OGA: variants seen among roughly 807,000 people sequenced by gnomAD.
OGA encodes the protein O-GlcNAcase.
A neutral mutation model predicts 102.0 loss-of-function variants in OGA; 21 were observed. The observed-to-expected ratio is 0.21, with a 90% CI of 0.15 to 0.30. OGA has a LOEUF of 0.30. Among genes scored for constraint, OGA ranks in the 10% least tolerant of loss-of-function variants. The probability of loss-of-function intolerance (pLI) is 1.00; values close to 1 mark genes in which losing one functional copy is unlikely to be tolerated. For missense variants in OGA, 765 were observed against 1,107.8 expected (o/e 0.69, Z 4.39); for synonymous variants, 408 against 378.2 (o/e 1.08, Z -0.91).
rs1267239761 is a variant in OGA, at chr10:101,818,119, G to A, written c.-97C>T. ...GCCCTGGAGAGGGCTTCAGCTCCAA[G>A]TGTGCGCCCCTCCGGCTCCTTCCCC... On this transcript the variant is annotated 5_prime_UTR_variant, in exon 1 of 16. Transcript: ENST00000361464. 4 of 1,405,022 alleles carry A rather than the reference G, an allele frequency of 2.8e-6. No individual in the cohort carries two copies. Among genetic ancestry groups the A allele is most frequent in the Non-Finnish European group, 3.7e-6 (4 of 1,080,148 alleles). The allele number at this position is 1,405,022 out of a possible 1,614,324, so 87.0% of individuals were successfully genotyped here.
At chr10:101,806,858 G>C (rs564226610) in intron 5 of OGA, among the ~76,000 whole-genome samples, 7 of 152,234 alleles carry the variant, frequency 4.6e-5, no homozygotes, top group Admixed American at 3.3e-4. Context: ...TGGATCACTT[G>C]AGCCCAAGAG....
intron 11 of OGA, chr10:101,793,711 C>T (rs539472644): frequency 2.0e-5 from 10 of 497,936 alleles, no homozygotes; most frequent in East Asian, 7.3e-5. Context: ...TTCGCAGGCG[C>T]GGGGGGGATT....
chr10:101,803,612 A>G, intron 7 of OGA, 123 bp downstream of exon 7: 1 of 1,074,400 alleles, frequency 9.3e-7, no homozygotes, highest in East Asian at 2.6e-5. Flanking sequence ...AAAACAAAAT[A>G]CGTTTTTAAA....
At chr10:101,788,978 C>T (rs1289306470) in intron 14 of OGA, among the ~76,000 whole-genome samples, 4 of 152,216 alleles carry the variant, frequency 2.6e-5, no homozygotes, top group East Asian at 1.9e-4. Context: ...TTTAAATTAA[C>T]GTATTCCTTA....
intron 9 of OGA, among the ~76,000 whole-genome samples, chr10:101,798,407 ACTTT>A (rs2065344603): frequency 7.0e-6 from 1 of 142,442 alleles, no homozygotes; most frequent in African/African-American, 2.6e-5. Context: ...TAAAGAACAT[ACTTT>A]TTTTTTTTTT....
chr10:101,804,916 CACA>C (rs967538548), intron 6 of OGA, among the ~76,000 whole-genome samples: 38 of 152,294 alleles, frequency 2.5e-4, no homozygotes, highest in African/African-American at 8.7e-4. Flanking sequence ...CTTTTGAAAA[CACA>C]ACATGTCTTT....
chr10:101,810,404 A>C (rs886360775), intron 3 of OGA, 90 bp from the exon 4 acceptor site: 4 of 1,207,874 alleles, frequency 3.3e-6, no homozygotes, highest in Non-Finnish European at 4.6e-6. Flanking sequence ...TATTTCTTCT[A>C]ACTTACAAGA....
chr10:101,813,254 C>T (rs1483102190), intron 2 of OGA, 127 bp from the exon 3 acceptor site: 4 of 682,000 alleles, frequency 5.9e-6, no homozygotes, highest in Non-Finnish European at 1.0e-5. Context: ...TAGCTTTTAA[C>T]CTTTTTGTAA....
At chr10:101,813,514 G>T in intron 2 of OGA, 41 bp downstream of exon 2, 1 of 1,275,350 alleles carries the variant, frequency 7.8e-7, no homozygotes, top group Non-Finnish European at 1.1e-6. Flanking sequence ...AATGTTAAGA[G>T]TTTAAGGTTC....
At chr10:101,787,993 T>C (rs2065211303) in intron 14 of OGA, 1 of 154,264 alleles carries the variant, frequency 6.5e-6, no homozygotes. Context: ...AATTAGGTCG[T>C]GTTGGCGGGC....
chr10:101,813,299 T>C (rs2065582032), intron 2 of OGA, among the ~76,000 whole-genome samples, 172 bp from the exon 3 acceptor site: 1 of 152,214 alleles, frequency 6.6e-6, no homozygotes, highest in African/African-American at 2.4e-5. Flanking sequence ...TATTACAATG[T>C]ATGCCAACAT....
Position 101,807,803 on chromosome 10 carries a change from A to G in OGA, c.579T>C (p.His193=). 1 of 1,612,556 alleles carries G rather than the reference A, an allele frequency of 6.2e-7. No individual in the cohort carries two copies. The highest frequency in any genetic ancestry group is 8.5e-7 in the Non-Finnish European group (1 of 1,179,284). The change falls in exon 5 of 16, where the codon CAT becomes CAC. Residue 193 remains histidine, a synonymous_variant. Transcript: ENST00000361464. Reference sequence around the variant, plus strand: ...TTTCATTTGTGATGGAGACTTGGGCATGAGCAAAAGAACTGAATACCTCTT... The same window carrying G: ...TTTCATTTGTGATGGAGACTTGGGCGTGAGCAAAAGAACTGAATACCTCTT... ...ADKEVFSSFA[H]AQVSITNEIY...
chr10:101,800,064 G>A (rs2065369572), intron 8 of OGA, among the ~76,000 whole-genome samples, 178 bp downstream of exon 8: 1 of 152,138 alleles, frequency 6.6e-6, no homozygotes, highest in African/African-American at 2.4e-5. Context: ...GTAGGGACAA[G>A]GTTTCACTAT....
rs1166848758 is a variant in OGA at position 101,784,920 on chromosome 10, TCTCTC to T, written c.*1526_*1530del. 6.6e-6 allele frequency: 1 copy of T among 152,224 alleles called. No homozygotes were observed. Among genetic ancestry groups the T allele is most frequent in the Non-Finnish European group, 1.5e-5 (1 of 68,044 alleles). 9.4% of individuals were successfully genotyped at this position (152,224 alleles called of 1,614,324 possible). On this transcript the variant is annotated 3_prime_UTR_variant, in exon 16 of 16. Coordinates refer to ENST00000361464, the MANE Select transcript of OGA (RefSeq NM_012215.5). ...TTAAAGGTTTCTAACCTAAAAACCTTCTCTCCTTTCTTCTCACCTATTTAGTGCAT... is the reference window on the plus strand; with the variant it reads ...TTAAAGGTTTCTAACCTAAAAACCTTCTTTCTTCTCACCTATTTAGTGCAT...
At chr10:101,810,011 A>G (rs2065531771) in intron 4 of OGA, among the ~76,000 whole-genome samples, 173 bp downstream of exon 4, 1 of 152,178 alleles carries the variant, frequency 6.6e-6, no homozygotes, top group African/African-American at 2.4e-5. Flanking sequence ...GTGCCACTGC[A>G]CTCCAGTCTG....
chr10:101,787,988 G>A, intron 14 of OGA: 1 of 154,478 alleles, frequency 6.5e-6, no homozygotes, highest in Non-Finnish European at 1.4e-5. Flanking sequence ...CAAAAAATTA[G>A]GTCGTGTTGG....
chr10:101,802,309 A>C (rs1168264703), intron 7 of OGA, among the ~76,000 whole-genome samples: 1 of 152,246 alleles, frequency 6.6e-6, no homozygotes, highest in African/African-American at 2.4e-5. Context: ...TTTATAAATT[A>C]AACTATTACA....
chr10:101,818,029 G>T lies in OGA; in HGVS notation c.-7C>A. ...GACTCTCCTTCTGCACCATCCTCCT[G>T]CCCCCGGCCGCTGCCACCTCTGCGG... On this transcript the variant is annotated 5_prime_UTR_variant, in exon 1 of 16. Transcript: ENST00000361464. 6.4e-7 allele frequency: 1 copy of T among 1,565,586 alleles called. No individual in the cohort carries two copies.
chr10:101,795,544 T>C (rs1188867735), intron 10 of OGA, among the ~76,000 whole-genome samples: 1 of 152,186 alleles, frequency 6.6e-6, no homozygotes. Flanking sequence ...CATAGCCACA[T>C]TGTTTAAAGG....
Sources: gnomAD v4.1 joint callset for allele counts (sites outside exome capture counted in the v4.1 genomes callset) on GRCh38, gnomAD v4.1.1 for gene constraint, MANE v1.5 for transcripts, NCBI Gene and HGNC (gene_info 2026-07-23, HGNC 2026-07-21) for gene names.